Variants in AHI1 observed in about 807,000 individuals in gnomAD.
AHI1 encodes Abelson helper integration site 1.
A neutral mutation model predicts 149.3 loss-of-function variants in AHI1; 123 were observed. The observed-to-expected ratio is 0.82, with a 90% confidence interval of 0.71 to 0.96. The LOEUF is 0.96. Among genes scored for constraint, AHI1 ranks in the 40% least tolerant of loss-of-function variants. AHI1 has a pLI of 0.00. For synonymous variants in AHI1, 475 were observed against 459.8 expected, an observed-to-expected ratio of 1.03 and a Z score of -0.42; for missense variants, 1,439 against 1,422.7, an observed-to-expected ratio of 1.01 and a Z score of -0.18.
At chr6:135,419,134 T>TTCAA (rs1782790646) in intron 20 of AHI1, among the ~76,000 whole-genome samples, 1 of 152,056 alleles carries the variant, frequency 6.6e-6, no homozygotes, top group South Asian at 2.1e-4. Context: ...AACTTTGAAG[T>TTCAA]ATTACTAATA....
rs9494249 is a variant in AHI1, at chr6:135,477,319, C to A, written c.136-9685G>T. Among the ~76,000 whole-genome samples the A allele has an allele frequency of 9.1e-3, 1,381 of 152,302 alleles. 29 individuals carry two copies. The highest frequency in any genetic ancestry group is 0.032 in the African/African-American group (1,313 of 41,554). ...CCTCCCAAAATGCTGGGATTACAGG[C>A]GTGAGCCACCATGCCCGGCCCTCTC... is the stretch of plus-strand genomic sequence containing the variant. On this transcript the variant is annotated intron_variant, in intron 5 of 28. Coordinates refer to ENST00000265602, the MANE Select transcript of AHI1 (RefSeq NM_001134831.2).
At chr6:135,347,714 G>A (rs760644640) in intron 24 of AHI1, among the ~76,000 whole-genome samples, 14 of 152,088 alleles carry the variant, frequency 9.2e-5, no homozygotes, top group East Asian at 1.9e-4. Context: ...GTTTTGTAGC[G>A]AAATATTTCT....
rs185606671 is a variant in AHI1, at chr6:135,432,135, C to T, written c.2267-821G>A. 4.0e-5 allele frequency among the ~76,000 whole-genome samples: 6 copies of T among 151,686 alleles called. No homozygotes were observed. The East Asian group carries it at 1.2e-3, about 29-fold the overall frequency. On this transcript the variant is annotated intron_variant, in intron 16 of 28. Transcript: ENST00000265602. ...AGATACCTTTCTATTCAGAGTCTTT[C>T]CTGAATATGTTCCAAATTTATTAAC... is the stretch of plus-strand genomic sequence containing the variant.
chr6:135,404,263 C>T (rs552965016), intron 22 of AHI1, among the ~76,000 whole-genome samples: 4 of 152,172 alleles, frequency 2.6e-5, no homozygotes, highest in Non-Finnish European at 5.9e-5. Context: ...AAAAGTTACA[C>T]ATAAAATAAC....
chr6:135,351,623 C>A (rs889563827), intron 24 of AHI1, among the ~76,000 whole-genome samples: 10 of 152,270 alleles, frequency 6.6e-5, no homozygotes, highest in Admixed American at 5.2e-4. Flanking sequence ...TAGCTCAGAG[C>A]GGCCAGAGTG....
intron 24 of AHI1, among the ~76,000 whole-genome samples, chr6:135,353,834 T>A (rs547993175): frequency 1.3e-5 from 2 of 152,230 alleles, no homozygotes; most frequent in South Asian, 4.1e-4. Flanking sequence ...TTACTACTGA[T>A]GAAATACCAT....
chr6:135,481,292 A>G (rs990983762), intron 5 of AHI1, among the ~76,000 whole-genome samples: 4 of 152,252 alleles, frequency 2.6e-5, no homozygotes, highest in Non-Finnish European at 2.9e-5. Flanking sequence ...TAAGCAACAG[A>G]AAACTAAGAC....
chr6:135,431,475 C>A (rs182677645), intron 16 of AHI1, among the ~76,000 whole-genome samples, 161 bp from the exon 17 acceptor site: 2 of 152,176 alleles, frequency 1.3e-5, no homozygotes, highest in South Asian at 2.1e-4. Flanking sequence ...AAATGTAACT[C>A]ACAAACAAAC....
chr6:135,319,461 C>A (rs1308788733), intron 25 of AHI1, among the ~76,000 whole-genome samples: 1 of 151,796 alleles, frequency 6.6e-6, no homozygotes, highest in Non-Finnish European at 1.5e-5. Flanking sequence ...GGAGACAGGG[C>A]GAGACTCTGT....
At chr6:135,464,082 T>C (rs986176262) in intron 7 of AHI1, among the ~76,000 whole-genome samples, 1 of 152,080 alleles carries the variant, frequency 6.6e-6, no homozygotes, top group Non-Finnish European at 1.5e-5. Context: ...AGAAGCATAC[T>C]GAGTTTAAAG....
intron 24 of AHI1, among the ~76,000 whole-genome samples, chr6:135,346,158 CAGG>C (rs1232378197): frequency 6.6e-6 from 1 of 152,020 alleles, no homozygotes; most frequent in Non-Finnish European, 1.5e-5. Context: ...CTGGGGAAGA[CAGG>C]AGTTTTACTG....
At position 135,465,910 on chromosome 6, in the gene AHI1, T is replaced by C. The variant is rs183936286; in HGVS notation, c.653A>G (p.Tyr218Cys). The change falls in exon 7 of 29, where the codon TAC becomes TGC. Residue 218 changes from tyrosine to cysteine, a missense_variant. Coordinates refer to ENST00000265602, the MANE Select transcript of AHI1 (RefSeq NM_001134831.2). ...ATGGAATAAAGTATCTGAGGGAAAG[T>C]AAGTCAACTGTTCTTTCAGTTTCTT... ...IRKKLKEQLT[Y>C]FPSDTLFHDD... 2.4e-4 allele frequency: 378 copies of C among 1,596,558 alleles called. 2 individuals carry two copies. The East Asian group carries it at 7.6e-3, about 32-fold the overall frequency.
In AHI1 at chr6:135,465,894, A is replaced by G. The variant is rs754268863; in HGVS notation, c.669T>C (p.Thr223=). 4.5e-6 allele frequency: 7 copies of G among 1,568,454 alleles called. No homozygotes were observed. In the South Asian group the frequency reaches 6.2e-5, roughly 14 times the overall value. ...KEQLTYFPSD[T]LFHDDKLSSE... ...TGCTTAGTTTGTCATCATGGAATAAAGTATCTGAGGGAAAGTAAGTCAACT... is the reference window on the plus strand; with the variant it reads ...TGCTTAGTTTGTCATCATGGAATAAGGTATCTGAGGGAAAGTAAGTCAACT... Residue 223 remains threonine (T), a synonymous_variant, in exon 7 of 29, where the codon ACT becomes ACC. Transcript: ENST00000265602.
chr6:135,373,646 T>G (rs1775402962), intron 23 of AHI1, among the ~76,000 whole-genome samples: 1 of 152,198 alleles, frequency 6.6e-6, no homozygotes. Flanking sequence ...AAAGCATACA[T>G]TTTTTAGTTT....
chr6:135,492,932 A>G (rs1795456127), intron 3 of AHI1: 1 of 979,186 alleles, frequency 1.0e-6, no homozygotes, highest in East Asian at 1.1e-4. Flanking sequence ...TTCTCACATT[A>G]GAACATTTAG....
intron 24 of AHI1, 53 bp downstream of exon 24, chr6:135,358,079 A>G: frequency 6.6e-7 from 1 of 1,525,018 alleles, no homozygotes. Flanking sequence ...TATAACCAGT[A>G]TAATTTTGTA....
intron 5 of AHI1, among the ~76,000 whole-genome samples, chr6:135,488,788 T>A (rs1562289725): frequency 6.6e-6 from 1 of 152,152 alleles, no homozygotes; most frequent in Non-Finnish European, 1.5e-5. Flanking sequence ...GGACTCCCTG[T>A]TCTTCTTTCA....
intron 23 of AHI1, among the ~76,000 whole-genome samples, chr6:135,385,735 T>C (rs1777487918): frequency 6.6e-6 from 1 of 152,126 alleles, no homozygotes; most frequent in Non-Finnish European, 1.5e-5. Context: ...ATTTGTACAA[T>C]ACGTAAGCTA....
chr6:135,352,522 TC>T (rs1372279898), intron 24 of AHI1, among the ~76,000 whole-genome samples: 1 of 152,086 alleles, frequency 6.6e-6, no homozygotes, highest in Non-Finnish European at 1.5e-5. Context: ...TGCTGGGAAT[TC>T]CTACAGCACT....
Sources: allele counts gnomAD v4.1 joint callset (sites outside exome capture counted in the v4.1 genomes callset), GRCh38; gene constraint gnomAD v4.1.1; transcripts MANE v1.5; gene names NCBI Gene and HGNC (gene_info 2026-07-23, HGNC 2026-07-21).